The following CHST11 variants were observed in gnomAD, a reference collection of about 807,000 sequenced individuals.
The protein encoded by CHST11 is C4S-1.
Under a neutral mutation model 30.4 loss-of-function variants are expected in CHST11, and 9 were observed. The ratio of observed to expected loss-of-function variants is 0.30; its 90% CI spans 0.18 to 0.52. CHST11 has a LOEUF of 0.52. Ranked by LOEUF, CHST11 falls within the 20% of genes least tolerant of loss-of-function variation. The probability of loss-of-function intolerance (pLI) is 0.97; values close to 1 mark genes in which losing one functional copy is unlikely to be tolerated. For missense variants in CHST11, 348 were observed against 460.6 expected, an observed-to-expected ratio of 0.76 and a Z score of 2.24; for synonymous variants, 152 against 187.8, an observed-to-expected ratio of 0.81 and a Z score of 1.56.
chr12:104,539,072 A>G (rs1281609889), intron 1 of CHST11, among the ~76,000 whole-genome samples: 1 of 152,240 alleles, frequency 6.6e-6, no homozygotes, highest in Non-Finnish European at 1.5e-5. Context: ...CAAATTGCAG[A>G]GCTGGGCAAT....
intron 1 of CHST11, among the ~76,000 whole-genome samples, chr12:104,530,025 G>A (rs2038166459): frequency 6.6e-6 from 1 of 152,114 alleles, no homozygotes. Context: ...TAGGCATGGT[G>A]GCACAAGCCT....
chr12:104,472,723 G>C (rs1385687569), intron 1 of CHST11, among the ~76,000 whole-genome samples: 2 of 152,228 alleles, frequency 1.3e-5, no homozygotes, highest in Non-Finnish European at 2.9e-5. Flanking sequence ...TGCGATTGCT[G>C]TTACAAAGAG....
chr12:104,473,803 T>C (rs1294259603), intron 1 of CHST11, among the ~76,000 whole-genome samples: 1 of 152,090 alleles, frequency 6.6e-6, no homozygotes, highest in African/African-American at 2.4e-5. Context: ...GTATTTTCTC[T>C]GCTAGACTGT....
intron 2 of CHST11, among the ~76,000 whole-genome samples, chr12:104,668,803 C>T (rs967976308): frequency 6.6e-6 from 1 of 152,212 alleles, no homozygotes; most frequent in Non-Finnish European, 1.5e-5. Context: ...CAGCCCTCAG[C>T]AAACTGTTCT....
chr12:104,705,382 G>A (rs2040023536), intron 2 of CHST11, among the ~76,000 whole-genome samples: 1 of 152,170 alleles, frequency 6.6e-6, no homozygotes, highest in African/African-American at 2.4e-5. Flanking sequence ...TTTCTATGAG[G>A]ACCAGGGGTC....
At chr12:104,526,636 C>A (rs2135991735) in intron 1 of CHST11, among the ~76,000 whole-genome samples, 1 of 152,326 alleles carries the variant, frequency 6.6e-6, no homozygotes, top group South Asian at 2.1e-4. Flanking sequence ...TTCTTCCACT[C>A]TGAAGAGTTG....
intron 1 of CHST11, among the ~76,000 whole-genome samples, chr12:104,472,022 A>G (rs1477779289): frequency 6.6e-6 from 1 of 152,098 alleles, no homozygotes; most frequent in Non-Finnish European, 1.5e-5. Flanking sequence ...ATGCAGTGGC[A>G]TGATCATAGT....
At chr12:104,687,658 A>T (rs563784014) in intron 2 of CHST11, among the ~76,000 whole-genome samples, 1 of 152,282 alleles carries the variant, frequency 6.6e-6, no homozygotes, top group Non-Finnish European at 1.5e-5. Flanking sequence ...CTGGGAAGTG[A>T]GGAGGTACTA....
intron 1 of CHST11, among the ~76,000 whole-genome samples, chr12:104,557,748 G>A (rs1253829861): frequency 5.9e-5 from 9 of 152,050 alleles, no homozygotes; most frequent in African/African-American, 1.9e-4. Flanking sequence ...GAAGAGAGGC[G>A]AGGAAACCAG....
intron 1 of CHST11, among the ~76,000 whole-genome samples, chr12:104,464,547 A>C (rs2037440742): frequency 6.6e-6 from 1 of 152,068 alleles, no homozygotes; most frequent in African/African-American, 2.4e-5. Context: ...TCTATTGCCC[A>C]GGTTGGAGTG....
At chr12:104,499,032 C>T (rs1274415596) in intron 1 of CHST11, among the ~76,000 whole-genome samples, 1 of 152,196 alleles carries the variant, frequency 6.6e-6, no homozygotes, top group Non-Finnish European at 1.5e-5. Context: ...AGTCCTCATT[C>T]TTTTTTCCTC....
intron 2 of CHST11, among the ~76,000 whole-genome samples, chr12:104,625,437 T>G (rs557500739): frequency 1.3e-5 from 2 of 152,338 alleles, no homozygotes; most frequent in East Asian, 3.9e-4. Context: ...CCTGAGTACC[T>G]GGGATTACAT....
At chr12:104,644,417 T>C (rs1203196022) in intron 2 of CHST11, among the ~76,000 whole-genome samples, 1 of 152,230 alleles carries the variant, frequency 6.6e-6, no homozygotes, top group African/African-American at 2.4e-5. Flanking sequence ...GGCCAGATTC[T>C]GTTTCCTGCC....
chr12:104,490,996 G>C (rs893377269), intron 1 of CHST11, among the ~76,000 whole-genome samples: 1 of 150,466 alleles, frequency 6.6e-6, no homozygotes, highest in Non-Finnish European at 1.5e-5. Flanking sequence ...CAGGTGCTGT[G>C]CTGGGTGGCA....
rs776103813 is a variant in CHST11 at position 104,757,528 on chromosome 12, G to A, written c.784G>A (p.Val262Ile). 13 of 1,614,096 alleles carry A rather than the reference G, an allele frequency of 8.1e-6. No individual in the cohort carries two copies. Among genetic ancestry groups the A allele is most frequent in the Admixed American group, 1.7e-5 (1 of 60,016 alleles). ...GCCTTTCAACGAACACTGGCAAACC[G>A]TCTACTCACTCTGCCATCCCTGCCA... is the stretch of plus-strand genomic sequence containing the variant. ...EEPFNEHWQTVYSLCHPCHIH... is the reference protein window; with the variant it reads ...EEPFNEHWQTIYSLCHPCHIH... The change falls in exon 3 of 3, where the codon GTC (valine) becomes ATC (isoleucine). Residue 262 changes from valine to isoleucine, a missense_variant. Around this residue, in one of 3 missense-constraint regions of CHST11, gnomAD observed 210 missense variants for 287.2 expected, o/e 0.73. Transcript: ENST00000303694. This position sits in a 1 kb window ranked among gnomAD's most constrained non-coding sequence, Gnocchi z 6.5.
intron 2 of CHST11, among the ~76,000 whole-genome samples, chr12:104,680,410 A>T (rs2039783527): frequency 6.6e-6 from 1 of 152,130 alleles, no homozygotes; most frequent in Non-Finnish European, 1.5e-5. Flanking sequence ...GTGCAAGGAA[A>T]CCCTGATGAA....
intron 1 of CHST11, among the ~76,000 whole-genome samples, chr12:104,541,130 TCACACACACA>T (rs71069763): frequency 0.036 from 5,293 of 146,640 alleles, 320 homozygotes; most frequent in African/African-American, 0.13. Context: ...TCTCTCTCTC[TCACACACACA>T]CACACACACA....
At chr12:104,462,743 T>C (rs2037421967) in intron 1 of CHST11, among the ~76,000 whole-genome samples, 1 of 152,152 alleles carries the variant, frequency 6.6e-6, no homozygotes, top group Non-Finnish European at 1.5e-5. Context: ...ATGTACCCCA[T>C]AAATATATAC....
intron 1 of CHST11, among the ~76,000 whole-genome samples, chr12:104,484,437 T>C (rs535943467): frequency 2.6e-5 from 4 of 152,332 alleles, no homozygotes; most frequent in African/African-American, 9.6e-5. Flanking sequence ...ATTTATTCAT[T>C]AAATAGTTAC....
Sources: allele counts gnomAD v4.1 joint callset (sites outside exome capture counted in the v4.1 genomes callset), GRCh38; gene constraint gnomAD v4.1.1; regional missense constraint gnomAD v4.1.1; non-coding constraint Gnocchi (gnomAD v3.1); transcripts MANE v1.5; gene names NCBI Gene and HGNC (gene_info 2026-07-23, HGNC 2026-07-21).